Variants in GLMN observed in about 807,000 individuals in gnomAD.
GLMN encodes the protein glomulin.
A neutral mutation model predicts 87.8 loss-of-function variants in GLMN; 75 were observed. That is an observed-to-expected ratio of 0.85 (90% CI 0.71 to 1.04). The LOEUF (loss-of-function observed/expected upper bound fraction) is 1.04. Among genes scored for constraint, GLMN ranks in the 50% least tolerant of loss-of-function variants. The pLI, the probability that GLMN is intolerant of heterozygous loss-of-function variation, is 0.00. For missense variants in GLMN, 588 were observed against 658.8 expected, an observed-to-expected ratio of 0.89 and a Z score of 1.18; for synonymous variants, 206 against 221.6, an observed-to-expected ratio of 0.93 and a Z score of 0.63.
At chr1:92,273,338 C>T (rs1557540767) in intron 7 of GLMN, among the ~76,000 whole-genome samples, 1 of 151,888 alleles carries the variant, frequency 6.6e-6, no homozygotes, top group African/African-American at 2.4e-5. Flanking sequence ...AGCTACAAGA[C>T]AAAAAGTTTA....
upstream of GLMN, among the ~76,000 whole-genome samples, chr1:92,301,954 C>T (rs947293370): frequency 4.6e-5 from 7 of 152,156 alleles, no homozygotes; most frequent in Middle Eastern, 3.2e-3. Context: ...ACATCACATA[C>T]TACCCCACAA....
At chr1:92,307,154 A>G in the GLMN span, 1 of 1,441,548 alleles carries the variant, frequency 6.9e-7, no homozygotes, top group East Asian at 2.3e-5. Context: ...GTTTCATGAT[A>G]AGAAAAAAAC....
intron 16 of GLMN, chr1:92,248,193 A>G (rs1030743292): frequency 4.2e-6 from 2 of 478,634 alleles, no homozygotes; most frequent in Non-Finnish European, 7.5e-6. Flanking sequence ...TACGCTTATC[A>G]CTGCACCATT....
At chr1:92,314,431 T>C in the GLMN span, among the ~76,000 whole-genome samples, 3 of 151,642 alleles carry the variant, frequency 2.0e-5, no homozygotes, top group African/African-American at 7.3e-5. Flanking sequence ...ATCTGTGCAA[T>C]TGAAATGGAT....
At chr1:92,301,483 G>T, upstream of GLMN, 1 of 1,573,144 alleles carries the variant, frequency 6.4e-7, no homozygotes, top group Non-Finnish European at 8.6e-7. Context: ...TAGGAAAGCT[G>T]AACTAGAAGC....
rs750401776 is a variant in GLMN at position 92,268,139 on chromosome 1, A to G, written c.978-4T>C. The G allele has an allele frequency of 3.4e-5, 46 of 1,361,558 alleles. No individual in the cohort carries two copies. Among genetic ancestry groups the G allele is most frequent in the Non-Finnish European group, 1.0e-6 (1 of 954,152 alleles). 84.3% of individuals were successfully genotyped at this position (1,361,558 alleles called of 1,614,324 possible). A position where few individuals can be genotyped will look rare whatever the true frequency, so the allele number is the denominator to read the frequency against. On this transcript the variant is annotated splice_polypyrimidine_tract_variant and splice_region_variant and intron_variant, in intron 9 of 18. Coordinates refer to ENST00000370360, the MANE Select transcript of GLMN (RefSeq NM_053274.3). ...GGAGATAACAGACTCTTCTGTTCTG[A>G]AAAATAATATTAAAATTTATCATGA...
the GLMN span, chr1:92,307,312 A>T: frequency 7.4e-7 from 1 of 1,358,828 alleles, no homozygotes. Flanking sequence ...ATTTGTTCAT[A>T]TATTCTAATA....
At chr1:92,301,545 A>G (rs772662572), upstream of GLMN, 4 of 1,585,144 alleles carry the variant, frequency 2.5e-6, no homozygotes, top group South Asian at 3.5e-5. Flanking sequence ...ATATTGTTGA[A>G]CAGCTTTTAG....
the GLMN span, among the ~76,000 whole-genome samples, chr1:92,338,653 T>TA: frequency 6.6e-6 from 1 of 151,456 alleles, no homozygotes; most frequent in Non-Finnish European, 1.5e-5. Flanking sequence ...CATTGATTTT[T>TA]TTTTTTTTTT....
the GLMN span, among the ~76,000 whole-genome samples, chr1:92,329,630 C>T: frequency 9.8e-5 from 15 of 152,342 alleles, no homozygotes; most frequent in South Asian, 3.1e-3. Flanking sequence ...ACATGCCGCT[C>T]TGTCTGACCA....
At chr1:92,356,296 T>C in the GLMN span, among the ~76,000 whole-genome samples, 37 of 152,152 alleles carry the variant, frequency 2.4e-4, no homozygotes, top group African/African-American at 8.0e-4. Context: ...TATTTTATTC[T>C]GGGAATAAGT....
At chr1:92,318,117 G>A in the GLMN span, among the ~76,000 whole-genome samples, 1 of 152,300 alleles carries the variant, frequency 6.6e-6, no homozygotes, top group East Asian at 1.9e-4. Flanking sequence ...TACAGTCAGC[G>A]ATTACAGTGT....
the GLMN span, among the ~76,000 whole-genome samples, chr1:92,329,881 T>C: frequency 6.6e-6 from 1 of 152,192 alleles, no homozygotes; most frequent in Non-Finnish European, 1.5e-5. Context: ...ATAAATCACA[T>C]GGTACAAATT....
chr1:92,299,073 C>T (rs777868633), upstream of GLMN: 19 of 1,504,692 alleles, frequency 1.3e-5, no homozygotes, highest in East Asian at 5.2e-5. Context: ...TACTCTCCCC[C>T]ATGGCGGACT....
At chr1:92,277,385 C>T (rs1196824506) in intron 7 of GLMN, among the ~76,000 whole-genome samples, 1 of 152,194 alleles carries the variant, frequency 6.6e-6, no homozygotes, top group African/African-American at 2.4e-5. Flanking sequence ...TTTGTTCCCA[C>T]TTCCTGGGAT....
chr1:92,307,604 G>A, the GLMN span, among the ~76,000 whole-genome samples: 370 of 152,286 alleles, frequency 2.4e-3, 2 homozygotes, highest in South Asian at 9.3e-3. Flanking sequence ...TTTTTCAGAA[G>A]TTACTGGGTC....
chr1:92,351,305 CAAA>C, the GLMN span, among the ~76,000 whole-genome samples: 657 of 86,864 alleles, frequency 7.6e-3, 1 homozygote, highest in South Asian at 0.021. Flanking sequence ...GACTCTGTCT[CAAA>C]AAAAAAAAAA....
chr1:92,335,415 T>G, the GLMN span, among the ~76,000 whole-genome samples: 1 of 152,148 alleles, frequency 6.6e-6, no homozygotes, highest in African/African-American at 2.4e-5. Context: ...TAACACATAC[T>G]TTAGAAAATG....
the GLMN span, among the ~76,000 whole-genome samples, chr1:92,362,920 A>G: frequency 6.6e-6 from 1 of 152,162 alleles, no homozygotes; most frequent in African/African-American, 2.4e-5. Flanking sequence ...TAAGACTTAC[A>G]CAACTTTTAC....
Sources: allele counts gnomAD v4.1 joint callset (sites outside exome capture counted in the v4.1 genomes callset), GRCh38; gene constraint gnomAD v4.1.1; transcripts MANE v1.5; gene names NCBI Gene and HGNC (gene_info 2026-07-23, HGNC 2026-07-21).